VPS13D: variants seen among roughly 807,000 people sequenced by gnomAD.
The protein encoded by VPS13D is intermembrane lipid transfer protein VPS13D.
VPS13D carries 187 observed loss-of-function variants against 461.9 expected under a neutral mutation model. The ratio of observed to expected loss-of-function variants is 0.40; its 90% CI spans 0.36 to 0.46. The LOEUF (loss-of-function observed/expected upper bound fraction) is 0.46. VPS13D is among the 20% of genes least tolerant of loss of function. The probability of loss-of-function intolerance (pLI) is 0.60; values close to 1 mark genes in which losing one functional copy is unlikely to be tolerated. For synonymous variants in VPS13D, 1,951 were observed against 1,986.3 expected (o/e 0.98, Z 0.47); for missense variants, 4,711 against 5,364.9 (o/e 0.88, Z 3.81).
chr1:12,328,171 C>T (rs1327202395), intron 36 of VPS13D, among the ~76,000 whole-genome samples: 2 of 151,976 alleles, frequency 1.3e-5, no homozygotes, highest in Non-Finnish European at 2.9e-5. Flanking sequence ...GTGAATACTG[C>T]TAGGCATTTA....
intron 29 of VPS13D, among the ~76,000 whole-genome samples, chr1:12,312,427 C>T (rs1294683920): frequency 6.6e-6 from 1 of 152,168 alleles, no homozygotes; most frequent in Non-Finnish European, 1.5e-5. Flanking sequence ...TGCAGAACCA[C>T]TTGATGTGCA....
chr1:12,348,900 G>A lies in VPS13D; in HGVS notation c.9147G>A (p.Arg3049=), dbSNP rs778806596. 70 of 1,614,036 alleles carry A rather than the reference G, an allele frequency of 4.3e-5. 1 individual carries two copies. In the Admixed American group the frequency reaches 5.0e-4, roughly 12 times the overall value. ...GTGCACGGAAAGTCATCACTGTCCG[G>A]TCAGCCCTCATTGTGAGGAACAGAC... ...EGSARKVITV[R]SALIVRNRLE... The change falls in exon 45 of 70, where the codon CGG becomes CGA. Residue 3049 remains arginine, a synonymous_variant. Coordinates refer to ENST00000620676, the MANE Select transcript of VPS13D (RefSeq NM_015378.4).
rs1643970306 is a variant in VPS13D at position 12,362,781 on chromosome 1, C to A, written c.10203C>A (p.Pro3401=). 1 of 1,614,196 alleles carries A rather than the reference C, an allele frequency of 6.2e-7. No homozygotes were observed. The highest frequency in any genetic ancestry group is 8.5e-7 in the Non-Finnish European group (1 of 1,180,026). ...ATACCTGCATGGTCATCTTTGCCCC[C>A]CGTTACCTGTTAGATAATAAATCAT... ...YIDTCMVIFA[P]RYLLDNKSSH... is the part of the protein sequence containing the mutation. The change falls in exon 51 of 70, where the codon CCC becomes CCA. Residue 3401 remains proline (P), a synonymous_variant. Coordinates refer to ENST00000620676, the MANE Select transcript of VPS13D (RefSeq NM_015378.4).
intron 65 of VPS13D, among the ~76,000 whole-genome samples, chr1:12,425,688 G>T (rs1644916099): frequency 7.0e-6 from 1 of 143,222 alleles, no homozygotes; most frequent in Non-Finnish European, 1.5e-5. Context: ...TACCCAATAG[G>T]AAGGAAGGAA....
At chr1:12,257,232 C>A in intron 9 of VPS13D, 145 bp downstream of exon 9, 1 of 674,902 alleles carries the variant, frequency 1.5e-6, no homozygotes, top group Non-Finnish European at 2.6e-6. Context: ...AATGCCATTC[C>A]CATTGTTTAT....
At chr1:12,491,434 CG>C (rs773703131) in intron 67 of VPS13D, among the ~76,000 whole-genome samples, 17 of 152,314 alleles carry the variant, frequency 1.1e-4, no homozygotes, top group East Asian at 7.7e-4. Context: ...AGTTACTCAT[CG>C]TATAAGCTAC....
chr1:12,482,017 G>A (rs1375522303), intron 67 of VPS13D, among the ~76,000 whole-genome samples: 1 of 152,216 alleles, frequency 6.6e-6, no homozygotes, highest in Non-Finnish European at 1.5e-5. Flanking sequence ...GCTGCTCCAA[G>A]CTGGCTGGTT....
intron 22 of VPS13D, among the ~76,000 whole-genome samples, chr1:12,288,667 TA>T (rs1642041937): frequency 6.6e-6 from 1 of 151,650 alleles, no homozygotes; most frequent in South Asian, 2.1e-4. Flanking sequence ...CAAATTGGGA[TA>T]TTTTTGAGAG....
rs367987300 is a variant in VPS13D, at chr1:12,456,636, C to CA, written c.12466+530dup. ...CTGGCAACAGAGCAAGACTCCAATT[C>CA]AAAAAAAAAAAAAAAAAAAAAAAAG... On this transcript the variant is annotated intron_variant, in intron 66 of 69. Transcript: ENST00000620676. Among the ~76,000 whole-genome samples, 71 of 83,642 alleles carry CA rather than the reference C, an allele frequency of 8.5e-4. 1 individual carries two copies. The highest frequency in any genetic ancestry group is 8.5e-3 in the Middle Eastern group (1 of 118). The allele number at this position is 83,642 out of a possible 152,430, so 54.9% of individuals were successfully genotyped here.
chr1:12,408,066 C>T (rs34820623), intron 63 of VPS13D, among the ~76,000 whole-genome samples: 27,767 of 152,016 alleles, frequency 0.18, 4,209 homozygotes, highest in African/African-American at 0.41. Context: ...TCAGTTTCTC[C>T]GACAGTGAAA....
In VPS13D at chr1:12,261,895, A is replaced by G. The variant is rs1489643900; in HGVS notation, c.1415-6A>G. 6.2e-7 allele frequency: 1 copy of G among 1,601,516 alleles called. No individual in the cohort carries two copies. The highest frequency in any genetic ancestry group is 8.5e-7 in the Non-Finnish European group (1 of 1,171,742). On this transcript the variant is annotated splice_polypyrimidine_tract_variant and splice_region_variant and intron_variant, in intron 12 of 69. Coordinates refer to ENST00000620676, the MANE Select transcript of VPS13D (RefSeq NM_015378.4). ...TTCTTACAGTCTTTTCTCCCTTACC[A>G]TTTAGGCACTGAGGAGTTTTTTGAC...
At chr1:12,312,618 C>T (rs996862173) in intron 29 of VPS13D, among the ~76,000 whole-genome samples, 3 of 152,002 alleles carry the variant, frequency 2.0e-5, no homozygotes, top group Non-Finnish European at 4.4e-5. Flanking sequence ...AAACTAGCTG[C>T]GCATGGTGGT....
Position 12,478,694 on chromosome 1 carries a change from C to T in VPS13D, c.12662+18298C>T, listed in dbSNP as rs183081491. The T allele has an allele frequency of 2.2e-4, 97 of 440,038 alleles. 1 individual carries two copies. The East Asian group carries it at 4.6e-3, about 21-fold the overall frequency. The allele number at this position is 440,038 out of a possible 1,614,324, so 27.3% of individuals were successfully genotyped here. A position where few individuals can be genotyped will look rare whatever the true frequency, so the allele number is the denominator to read the frequency against. On this transcript the variant is annotated intron_variant, in intron 67 of 69. Transcript: ENST00000620676. ...ACGCTGTCTAGAGAGGGTCAAGGCA[C>T]GGTGATGTTTCTCTCTGGAGAAGCA...
At chr1:12,449,592 A>G (rs1165130322) in intron 65 of VPS13D, among the ~76,000 whole-genome samples, 1 of 152,172 alleles carries the variant, frequency 6.6e-6, no homozygotes, top group Non-Finnish European at 1.5e-5. Context: ...CACACTCAGA[A>G]TACTTTTTAA....
Position 12,368,453 on chromosome 1 carries a change from T to C in VPS13D, c.10449-15T>C. ...CTACATTTTATGTAGCCTCTTTTGT[T>C]TCCTTGTCCTGCAGGGATACCTTGG... On this transcript the variant is annotated splice_polypyrimidine_tract_variant and intron_variant, in intron 52 of 69. Transcript: ENST00000620676. The C allele has an allele frequency of 6.3e-7, 1 of 1,591,826 alleles. No individual in the cohort carries two copies. The highest frequency in any genetic ancestry group is 8.5e-7 in the Non-Finnish European group (1 of 1,171,280).
intron 43 of VPS13D, among the ~76,000 whole-genome samples, 169 bp downstream of exon 43, chr1:12,345,678 C>A (rs1418580365): frequency 1.3e-5 from 2 of 152,138 alleles, no homozygotes; most frequent in Non-Finnish European, 2.9e-5. Flanking sequence ...ATAAGCCAGC[C>A]AATGGTTAGT....
At chr1:12,456,231 C>T (rs1175773165) in intron 66 of VPS13D, 101 bp downstream of exon 66, 36 of 1,455,986 alleles carry the variant, frequency 2.5e-5, no homozygotes, top group East Asian at 2.4e-4. Flanking sequence ...GGGCTGGGCG[C>T]GGTGGCTCAT....
intron 65 of VPS13D, among the ~76,000 whole-genome samples, chr1:12,454,877 G>GGTA (rs776454330): frequency 0.011 from 1,697 of 152,384 alleles, 7 homozygotes; most frequent in Non-Finnish European, 0.019. Flanking sequence ...TGTTTTGGTA[G>GGTA]ATCCTTCCTG....
At chr1:12,249,459 A>G in intron 6 of VPS13D, 120 bp downstream of exon 6, 1 of 720,570 alleles carries the variant, frequency 1.4e-6, no homozygotes, top group Non-Finnish European at 2.2e-6. Context: ...GCCTTCTGTG[A>G]TAGGCATGGG....
Sources: allele counts gnomAD v4.1 joint callset (sites outside exome capture counted in the v4.1 genomes callset), GRCh38; gene constraint gnomAD v4.1.1; transcripts MANE v1.5; gene names NCBI Gene and HGNC (gene_info 2026-07-23, HGNC 2026-07-21).